WDR27: variants seen among roughly 807,000 people sequenced by gnomAD.
WDR27 encodes WD repeat-containing protein 27.
Under a neutral mutation model 114.4 loss-of-function variants are expected in WDR27, and 100 were observed. The observed-to-expected ratio is 0.87, with a 90% CI of 0.74 to 1.03. The LOEUF (loss-of-function observed/expected upper bound fraction) is 1.03, where lower values mean the gene tolerates loss of function less well. Among genes scored for constraint, WDR27 ranks in the 50% least tolerant of loss-of-function variants. The pLI, the probability that WDR27 is intolerant of heterozygous loss-of-function variation, is 0.00. For missense variants in WDR27, 1,129 were observed against 1,092.9 expected, an observed-to-expected ratio of 1.03 and a Z score of -0.47; for synonymous variants, 449 against 423.1, an observed-to-expected ratio of 1.06 and a Z score of -0.75.
intron 25 of WDR27, among the ~76,000 whole-genome samples, chr6:169,515,800 A>C (rs1184201733): frequency 6.7e-6 from 1 of 149,948 alleles, no homozygotes; most frequent in Non-Finnish European, 1.5e-5. Context: ...CAGTAAAATA[A>C]AAGGGATAAA....
intron 21 of WDR27, among the ~76,000 whole-genome samples, chr6:169,614,740 T>C (rs1811395476): frequency 6.6e-6 from 1 of 151,594 alleles, no homozygotes; most frequent in Non-Finnish European, 1.5e-5. Flanking sequence ...CTGTAATACA[T>C]GTTTTAAAAT....
intron 22 of WDR27, among the ~76,000 whole-genome samples, chr6:169,605,814 CAGTCAACTGATCTTTGAA>C (rs1301345333): frequency 2.0e-5 from 3 of 152,068 alleles, no homozygotes; most frequent in Non-Finnish European, 4.4e-5. Flanking sequence ...TACATATTTA[CAGTCAACTGATCTTTGAA>C]AGCTGACAAA....
chr6:169,462,468 G>A (rs1310436352), intron 25 of WDR27, among the ~76,000 whole-genome samples: 1 of 151,890 alleles, frequency 6.6e-6, no homozygotes, highest in Non-Finnish European at 1.5e-5. Flanking sequence ...GAGAGGGAGG[G>A]AGGAGAGGGG....
rs190350647 is a variant in WDR27, at chr6:169,646,539, G to T, written c.1657+1234C>A. Among the ~76,000 whole-genome samples, 855 of 152,302 alleles carry T rather than the reference G, an allele frequency of 5.6e-3. 12 individuals are homozygous for T. The highest frequency in any genetic ancestry group is 0.019 in the African/African-American group (791 of 41,564). On this transcript the variant is annotated intron_variant, in intron 16 of 25. Coordinates refer to ENST00000448612, the MANE Select transcript of WDR27 (RefSeq NM_182552.5). ...AGGCAGGTGGATCACCGGACGTCAGGAGTTTTGAGGCCAGCGTGGCCAACA... is the reference window on the plus strand; with the variant it reads ...AGGCAGGTGGATCACCGGACGTCAGTAGTTTTGAGGCCAGCGTGGCCAACA...
intron 18 of WDR27, among the ~76,000 whole-genome samples, chr6:169,637,490 A>C (rs895137072): frequency 2.0e-5 from 3 of 152,170 alleles, no homozygotes; most frequent in Admixed American, 2.0e-4. Context: ...ATGTGTATTA[A>C]TACGTGGCAA....
chr6:169,445,399 C>T, the WDR27 span, among the ~76,000 whole-genome samples: 3 of 152,100 alleles, frequency 2.0e-5, no homozygotes, highest in East Asian at 3.9e-4. Context: ...GTAGGGTCTC[C>T]GGTGTAATTC....
intron 22 of WDR27, 106 bp from the exon 23 acceptor site, chr6:169,602,427 GAAT>G (rs1380123723): frequency 1.4e-6 from 1 of 689,690 alleles, no homozygotes; most frequent in Non-Finnish European, 2.5e-6. Context: ...AGGAACAAAA[GAAT>G]AATGAAAGAA....
chr6:169,499,934 G>GT (rs1790914348), intron 25 of WDR27, among the ~76,000 whole-genome samples: 1 of 152,204 alleles, frequency 6.6e-6, no homozygotes, highest in African/African-American at 2.4e-5. Context: ...GTAAAGGGCT[G>GT]AAGTCTGTCC....
rs1167489479 is a variant in WDR27 at position 169,688,763 on chromosome 6, T to C, written c.189+54A>G. ...TGCTGTCCGAACAGCATCAAAGACA[T>C]GGAGAGACAAGGGCAAGGCCTTCAT... On this transcript the variant is annotated intron_variant, in intron 2 of 25. Coordinates refer to ENST00000448612, the MANE Select transcript of WDR27 (RefSeq NM_182552.5). 2.1e-6 allele frequency: 3 copies of C among 1,429,434 alleles called. No individual in the cohort carries two copies. The East Asian group carries it at 7.4e-5, about 35-fold the overall frequency. The allele number at this position is 1,429,434 out of a possible 1,614,324, so 88.5% of individuals were successfully genotyped here. A position where few individuals can be genotyped will look rare whatever the true frequency, so the allele number is the denominator to read the frequency against.
chr6:169,454,325 T>C (rs2115233642), downstream of WDR27, among the ~76,000 whole-genome samples: 1 of 152,346 alleles, frequency 6.6e-6, no homozygotes, highest in Admixed American at 6.5e-5. Context: ...GAAAGATTTC[T>C]TGGTGGTCCT....
At chr6:169,662,653 G>A (rs908326466) in intron 8 of WDR27, among the ~76,000 whole-genome samples, 3 of 144,588 alleles carry the variant, frequency 2.1e-5, no homozygotes, top group Admixed American at 7.0e-5. Flanking sequence ...AGCATGACGC[G>A]CATGCACCGC....
At position 169,659,475 on chromosome 6, in the gene WDR27, C is replaced by T; in HGVS notation, c.1173G>A (p.Leu391=). Residue 391 remains leucine, a synonymous_variant, in exon 11 of 26, where the codon CTG becomes CTA. Transcript: ENST00000448612. The surrounding 1 kb of genome is among the most constrained non-coding windows in gnomAD (Gnocchi z 4.3). ...LSILLAGSCA[L]RNRTADQKVL... ...CCTTTTGATCCGCAGTGCGGTTCCT[C>T]AGGGCACACGATCCGGCCAGCAGGA... is the stretch of plus-strand genomic sequence containing the variant. 1 of 1,610,214 alleles carries T rather than the reference C, an allele frequency of 6.2e-7. No individual in the cohort carries two copies. The highest frequency in any genetic ancestry group is 1.1e-5 in the South Asian group (1 of 90,190).
At position 169,538,776 on chromosome 6, in the gene WDR27, A is replaced by T. The variant is rs574519405; in HGVS notation, c.2645+33643T>A. 2.0e-5 allele frequency among the ~76,000 whole-genome samples: 3 copies of T among 151,470 alleles called. No homozygotes were observed. In the East Asian group the frequency reaches 6.1e-4, roughly 31 times the overall value. ...TATATATGTGCATGTATATATACAAACACTAACCATATGCAGTAATATGAA... is the reference window on the plus strand; with the variant it reads ...TATATATGTGCATGTATATATACAATCACTAACCATATGCAGTAATATGAA... On this transcript the variant is annotated intron_variant, in intron 25 of 25. Coordinates refer to ENST00000448612, the MANE Select transcript of WDR27 (RefSeq NM_182552.5).
intron 22 of WDR27, among the ~76,000 whole-genome samples, chr6:169,610,520 C>A (rs540805000): frequency 8.5e-5 from 13 of 152,290 alleles, no homozygotes; most frequent in African/African-American, 2.9e-4. Context: ...TTATTCACTA[C>A]CACAAGAACA....
At chr6:169,631,428 G>C (rs927232888) in intron 21 of WDR27, among the ~76,000 whole-genome samples, 14 of 152,128 alleles carry the variant, frequency 9.2e-5, no homozygotes, top group South Asian at 2.1e-4. Flanking sequence ...TGGTGGGGTG[G>C]GGGGGTGGAA....
chr6:169,667,794 C>T (rs553193545), intron 5 of WDR27, among the ~76,000 whole-genome samples, 188 bp downstream of exon 5: 5 of 152,364 alleles, frequency 3.3e-5, no homozygotes, highest in South Asian at 2.1e-4. Flanking sequence ...GCCCAGCCAG[C>T]GGCCCCGGCA....
At chr6:169,690,262 A>G (rs1215630934) in intron 1 of WDR27, among the ~76,000 whole-genome samples, 10 of 152,016 alleles carry the variant, frequency 6.6e-5, no homozygotes, top group Non-Finnish European at 1.3e-4. Context: ...CAGCCATCAC[A>G]CTGGTCACGT....
intron 25 of WDR27, among the ~76,000 whole-genome samples, chr6:169,465,980 C>A (rs1785526696): frequency 6.6e-6 from 1 of 152,012 alleles, no homozygotes; most frequent in South Asian, 2.1e-4. Flanking sequence ...TATTTAACAC[C>A]ACTCACTATA....
intron 22 of WDR27, among the ~76,000 whole-genome samples, chr6:169,611,622 TTTTA>T (rs1357242348): frequency 6.6e-6 from 1 of 152,208 alleles, no homozygotes. Context: ...TACAAAAATA[TTTTA>T]TTTCTTTATA....
Sources: allele counts gnomAD v4.1 joint callset (sites outside exome capture counted in the v4.1 genomes callset), GRCh38; gene constraint gnomAD v4.1.1; non-coding constraint Gnocchi (gnomAD v3.1); transcripts MANE v1.5; gene names NCBI Gene and HGNC (gene_info 2026-07-23, HGNC 2026-07-21).